ASXL3: variants seen among roughly 807,000 people sequenced by gnomAD.
The protein encoded by ASXL3 is ASXL transcriptional regulator 3, also known as putative Polycomb group protein ASXL3.
In ASXL3, 34 loss-of-function variants were observed where a neutral mutation model predicts 170.6. The ratio of observed to expected loss-of-function variants is 0.20; its 90% CI spans 0.15 to 0.27. ASXL3 has a LOEUF of 0.27. Among genes scored for constraint, ASXL3 ranks in the 10% least tolerant of loss-of-function variants. The pLI, the probability that ASXL3 is intolerant of heterozygous loss-of-function variation, is 1.00. For missense variants in ASXL3, 2,592 were observed against 2,695.3 expected, an observed-to-expected ratio of 0.96 and a Z score of 0.85; for synonymous variants, 1,002 against 989.1, an observed-to-expected ratio of 1.01 and a Z score of -0.24.
chr18:33,661,240 G>GT lies in ASXL3; in HGVS notation c.356-367dup, dbSNP rs965551193. ...TAAAACAATTGCATTAATTTATATT[G>GT]TTTTTTTTTGTTTGTTTTTAGAATA... On this transcript the variant is annotated intron_variant, in intron 4 of 11. Transcript: ENST00000269197. 7.8e-4 allele frequency among the ~76,000 whole-genome samples: 118 copies of GT among 150,824 alleles called. 1 individual carries two copies. In the East Asian group the frequency reaches 8.8e-3, roughly 11 times the overall value.
At chr18:33,652,468 T>C (rs974319482) in intron 4 of ASXL3, among the ~76,000 whole-genome samples, 1 of 151,862 alleles carries the variant, frequency 6.6e-6, no homozygotes, top group African/African-American at 2.4e-5. Context: ...TTCTTTTAAA[T>C]GAGGAAACTA....
intron 7 of ASXL3, among the ~76,000 whole-genome samples, chr18:33,676,325 C>G (rs1044657569): frequency 3.3e-5 from 5 of 150,976 alleles, no homozygotes; most frequent in Non-Finnish European, 4.4e-5. Context: ...GAAGCTACGA[C>G]TGTTGATGTA....
chr18:33,701,007 G>A (rs1281442789), intron 8 of ASXL3, among the ~76,000 whole-genome samples: 2 of 151,836 alleles, frequency 1.3e-5, no homozygotes, highest in South Asian at 2.1e-4. Flanking sequence ...GCAGTTTGGG[G>A]CATTTTACCC....
rs1051489093 is a variant in ASXL3, at chr18:33,749,189, T to G, written c.*2594T>G. 1.3e-5 allele frequency: 2 copies of G among 151,920 alleles called. No homozygotes were observed. Among genetic ancestry groups the G allele is most frequent in the African/African-American group, 4.8e-5 (2 of 41,330 alleles). The allele number at this position is 151,920 out of a possible 1,614,324, so 9.4% of individuals were successfully genotyped here. A position where few individuals can be genotyped will look rare whatever the true frequency, so the allele number is the denominator to read the frequency against. Reference sequence around the variant, plus strand: ...TATAAGGGAAAGGAAGAAGAGAAATTTAGATGTAAAATGTGGGTCAGATAT... The same window carrying G: ...TATAAGGGAAAGGAAGAAGAGAAATGTAGATGTAAAATGTGGGTCAGATAT... On this transcript the variant is annotated 3_prime_UTR_variant, in exon 12 of 12. Transcript: ENST00000269197.
chr18:33,634,875 C>T (rs185640080), intron 2 of ASXL3, among the ~76,000 whole-genome samples: 2 of 152,254 alleles, frequency 1.3e-5, no homozygotes, highest in Non-Finnish European at 2.9e-5. Context: ...AGTCAGGGTC[C>T]TCAAGGAGCT....
At chr18:33,687,296 G>A (rs987707376) in intron 8 of ASXL3, among the ~76,000 whole-genome samples, 1 of 152,138 alleles carries the variant, frequency 6.6e-6, no homozygotes, top group Non-Finnish European at 1.5e-5. Flanking sequence ...TTTTAGTCTA[G>A]CTTATTGCAA....
At chr18:33,725,662 TCTTTATTTGGATGC>T (rs1260005053) in intron 8 of ASXL3, among the ~76,000 whole-genome samples, 5 of 152,184 alleles carry the variant, frequency 3.3e-5, no homozygotes. Context: ...TGACTAGACA[TCTTTATTTGGATGC>T]CATCAAGATA....
intron 2 of ASXL3, among the ~76,000 whole-genome samples, chr18:33,618,285 A>G (rs546376199): frequency 3.4e-4 from 52 of 151,498 alleles, no homozygotes; most frequent in African/African-American, 1.1e-3. Flanking sequence ...TTTTCTATTG[A>G]GTTTCTTTTT....
At chr18:33,632,147 G>T (rs1407134120) in intron 2 of ASXL3, among the ~76,000 whole-genome samples, 1 of 151,998 alleles carries the variant, frequency 6.6e-6, no homozygotes, top group Non-Finnish European at 1.5e-5. Context: ...CTACTTACAG[G>T]TTATTTCTAC....
At chr18:33,666,076 G>A (rs1353819314) in intron 5 of ASXL3, among the ~76,000 whole-genome samples, 2 of 152,174 alleles carry the variant, frequency 1.3e-5, no homozygotes, top group Admixed American at 6.5e-5. Context: ...GGTTTGGACA[G>A]TGGAACATTA....
chr18:33,623,507 AAAAAT>A (rs1432657068), intron 2 of ASXL3, among the ~76,000 whole-genome samples: 7 of 152,292 alleles, frequency 4.6e-5, no homozygotes, highest in African/African-American at 1.7e-4. Context: ...AAACTATTAT[AAAAAT>A]AAAATAATTT....
intron 2 of ASXL3, among the ~76,000 whole-genome samples, chr18:33,637,035 A>G (rs1169690727): frequency 6.6e-6 from 1 of 152,144 alleles, no homozygotes; most frequent in African/African-American, 2.4e-5. Flanking sequence ...TGCTATTTAC[A>G]CTTCCTGGAT....
chr18:33,675,644 G>T (rs2066413411), intron 7 of ASXL3, among the ~76,000 whole-genome samples: 2 of 152,064 alleles, frequency 1.3e-5, no homozygotes, highest in Non-Finnish European at 2.9e-5. Context: ...GCTTCCTCTT[G>T]ATTTCTAGCA....
chr18:33,731,317 A>G (rs1214300457), intron 8 of ASXL3, among the ~76,000 whole-genome samples: 1 of 152,146 alleles, frequency 6.6e-6, no homozygotes, highest in Admixed American at 6.5e-5. Flanking sequence ...ATCTTTGAAG[A>G]TCTAGTTGGG....
At chr18:33,690,782 A>C (rs2066675292) in intron 8 of ASXL3, among the ~76,000 whole-genome samples, 1 of 152,184 alleles carries the variant, frequency 6.6e-6, no homozygotes. Context: ...TACCTTTGCC[A>C]TGTGGATGGT....
intron 8 of ASXL3, among the ~76,000 whole-genome samples, chr18:33,718,743 G>T (rs1396316234): frequency 1.4e-5 from 2 of 147,894 alleles, no homozygotes; most frequent in African/African-American, 2.5e-5. Flanking sequence ...GAATATTTCT[G>T]CCCCTTTTGG....
chr18:33,689,647 G>C (rs770179475), intron 8 of ASXL3, among the ~76,000 whole-genome samples: 2 of 152,182 alleles, frequency 1.3e-5, no homozygotes, highest in African/African-American at 4.8e-5. Context: ...ATGATGTTGC[G>C]TTCTTCTTGC....
Position 33,671,810 on chromosome 18 carries a change from C to T in ASXL3, c.659C>T (p.Ser220Phe). 5.0e-6 allele frequency: 8 copies of T among 1,611,496 alleles called. No homozygotes were observed. Among genetic ancestry groups the T allele is most frequent in the Non-Finnish European group, 6.8e-6 (8 of 1,178,688 alleles). Residue 220 changes from serine (S) to phenylalanine (F), a missense_variant, in exon 7 of 12, where the codon TCT becomes TTT. Physicochemically the swap from Ser to Phe is radical, Grantham distance 155. Coordinates refer to ENST00000269197, the MANE Select transcript of ASXL3 (RefSeq NM_030632.3). ...AAAGAAATGAAACATGGGCAAAAAT[C>T]TCCCACTGGAAAACAAACAAGTCAG... is the stretch of plus-strand genomic sequence containing the variant. ...SDKEMKHGQK[S>F]PTGKQTSQHL...
chr18:33,727,946 G>A (rs1022751525), intron 8 of ASXL3, among the ~76,000 whole-genome samples: 2 of 152,130 alleles, frequency 1.3e-5, no homozygotes, highest in African/African-American at 2.4e-5. Context: ...TCCAGGGCTA[G>A]CTTTCATATT....
Sources: allele counts gnomAD v4.1 joint callset (sites outside exome capture counted in the v4.1 genomes callset), GRCh38; gene constraint gnomAD v4.1.1; transcripts MANE v1.5; gene names NCBI Gene and HGNC (gene_info 2026-07-23, HGNC 2026-07-21).